The following RHBDL3 variants were observed in gnomAD, a reference collection of about 807,000 sequenced individuals.
RHBDL3 encodes rhomboid-related protein 3.
RHBDL3 carries 28 observed loss-of-function variants against 48.2 expected under a neutral mutation model. That is an observed-to-expected ratio of 0.58 (90% confidence interval 0.43 to 0.80). The LOEUF is 0.80. RHBDL3 is among the 30% of genes least tolerant of loss of function. The pLI is 0.00. For synonymous variants in RHBDL3, 208 were observed against 232.3 expected (o/e 0.90, Z 0.95); for missense variants, 464 against 542.7 (o/e 0.85, Z 1.44).
At chr17:32,303,130 G>A (rs1206706831) in intron 6 of RHBDL3, among the ~76,000 whole-genome samples, 1 of 152,206 alleles carries the variant, frequency 6.6e-6, no homozygotes, top group Non-Finnish European at 1.5e-5. Context: ...CCATGGATAG[G>A]GTGAGGGAAA....
chr17:32,281,644 C>A (rs570393939), intron 2 of RHBDL3, among the ~76,000 whole-genome samples: 1 of 152,296 alleles, frequency 6.6e-6, no homozygotes, highest in South Asian at 2.1e-4. Context: ...GGAGGGGTCC[C>A]AGGCACCAAA....
intron 4 of RHBDL3, among the ~76,000 whole-genome samples, chr17:32,292,112 T>A (rs2040344963): frequency 6.6e-6 from 1 of 151,828 alleles, no homozygotes; most frequent in Non-Finnish European, 1.5e-5. Flanking sequence ...ATGCCCTGAT[T>A]AAGAACACAG....
intron 6 of RHBDL3, among the ~76,000 whole-genome samples, chr17:32,301,082 G>A (rs112688427): frequency 0.028 from 4,312 of 151,968 alleles, 81 homozygotes; most frequent in Non-Finnish European, 0.038. Flanking sequence ...GGGTTTCACC[G>A]TCTTGGCCAG....
chr17:32,267,441 G>A (rs927509882), intron 1 of RHBDL3, among the ~76,000 whole-genome samples: 2 of 151,610 alleles, frequency 1.3e-5, no homozygotes, highest in East Asian at 1.9e-4. Context: ...GGGGGGGGAG[G>A]GGGGGGCTCT....
At chr17:32,271,513 A>G (rs909002603) in intron 2 of RHBDL3, among the ~76,000 whole-genome samples, 2 of 152,164 alleles carry the variant, frequency 1.3e-5, no homozygotes, top group Non-Finnish European at 2.9e-5. Context: ...GCTTTGATTC[A>G]AGGTCAAATA....
intron 2 of RHBDL3, among the ~76,000 whole-genome samples, chr17:32,276,598 T>C (rs1291062358): frequency 6.6e-6 from 1 of 152,058 alleles, no homozygotes; most frequent in Non-Finnish European, 1.5e-5. Flanking sequence ...TGAGCCATGG[T>C]AACCTTCACC....
Position 32,324,059 on chromosome 17 carries a change from G to A in RHBDL3, c.*2830G>A, listed in dbSNP as rs1433980893. ...GGGTGGTGTGTAAATCTTCAGGCTG[G>A]TGGAGGTAGGTTGGCCTTTTATCCA... On this transcript the variant is annotated 3_prime_UTR_variant, in exon 9 of 9. Coordinates refer to ENST00000269051, the MANE Select transcript of RHBDL3 (RefSeq NM_138328.3). The A allele has an allele frequency of 6.6e-6, 1 of 152,436 alleles. No individual in the cohort carries two copies. The highest frequency in any genetic ancestry group is 1.5e-5 in the Non-Finnish European group (1 of 68,194). 9.4% of individuals were successfully genotyped at this position (152,436 alleles called of 1,614,324 possible).
chr17:32,312,754 G>A (rs2040874965), intron 7 of RHBDL3, among the ~76,000 whole-genome samples: 1 of 152,082 alleles, frequency 6.6e-6, no homozygotes, highest in South Asian at 2.1e-4. Flanking sequence ...CTGGCCTCAA[G>A]TGATCCGCCT....
intron 2 of RHBDL3, among the ~76,000 whole-genome samples, chr17:32,272,310 C>G (rs2039790702): frequency 6.6e-6 from 1 of 152,228 alleles, no homozygotes; most frequent in Admixed American, 6.5e-5. Context: ...AGTTCCCTGC[C>G]CTCCAGCCTG....
chr17:32,278,569 T>C (rs2039967954), intron 2 of RHBDL3, among the ~76,000 whole-genome samples: 1 of 152,114 alleles, frequency 6.6e-6, no homozygotes, highest in Admixed American at 6.5e-5. Flanking sequence ...TGGATGAGGG[T>C]CTCTCAAACT....
At chr17:32,269,331 G>A (rs2039712920) in intron 2 of RHBDL3, among the ~76,000 whole-genome samples, 1 of 152,230 alleles carries the variant, frequency 6.6e-6, no homozygotes, top group Non-Finnish European at 1.5e-5. Context: ...CTGAGTGACA[G>A]AGTGGGACCC....
In RHBDL3 at chr17:32,323,683, G is replaced by A. The variant is rs1383352059; in HGVS notation, c.*2454G>A. ...AAGCTTGTTACTGAGAAGGACAGTG[G>A]AGGCGGAATCGTGTCTCCCACCATG... is the stretch of plus-strand genomic sequence containing the variant. On this transcript the variant is annotated 3_prime_UTR_variant, in exon 9 of 9. Coordinates refer to ENST00000269051, the MANE Select transcript of RHBDL3 (RefSeq NM_138328.3). 1.3e-5 allele frequency: 2 copies of A among 152,198 alleles called. No individual in the cohort carries two copies. Among genetic ancestry groups the A allele is most frequent in the Admixed American group, 6.5e-5 (1 of 15,276 alleles). 9.4% of individuals were successfully genotyped at this position (152,198 alleles called of 1,614,324 possible).
chr17:32,266,939 A>T (rs1374366158), intron 1 of RHBDL3, among the ~76,000 whole-genome samples: 1 of 151,588 alleles, frequency 6.6e-6, no homozygotes, highest in African/African-American at 2.4e-5. Flanking sequence ...GAGGAGAGGG[A>T]GGGGCTGCCC....
chr17:32,306,846 G>C (rs2040722545), intron 7 of RHBDL3, among the ~76,000 whole-genome samples: 1 of 152,026 alleles, frequency 6.6e-6, no homozygotes, highest in Admixed American at 6.6e-5. Context: ...AGTTGAGCCT[G>C]GGAAGCAGAG....
intron 5 of RHBDL3, among the ~76,000 whole-genome samples, chr17:32,297,734 A>G (rs1047249571): frequency 1.5e-5 from 2 of 135,396 alleles, no homozygotes; most frequent in African/African-American, 5.5e-5. Flanking sequence ...TCCTGGGTTC[A>G]AGTGGTCCTC....
chr17:32,279,253 T>C (rs1597621682), intron 2 of RHBDL3, among the ~76,000 whole-genome samples: 2 of 152,286 alleles, frequency 1.3e-5, no homozygotes, highest in Middle Eastern at 3.4e-3. Context: ...CATAGCAAAC[T>C]TTCCACACAT....
intron 3 of RHBDL3, among the ~76,000 whole-genome samples, chr17:32,286,245 C>G (rs1032711341): frequency 6.6e-6 from 1 of 152,214 alleles, no homozygotes; most frequent in African/African-American, 2.4e-5. Flanking sequence ...ACGTGGGGCC[C>G]AGGAGTGGCT....
intron 3 of RHBDL3, 112 bp downstream of exon 3, chr17:32,284,929 A>G: frequency 1.0e-6 from 1 of 974,676 alleles, no homozygotes; most frequent in Non-Finnish European, 1.6e-6. Flanking sequence ...CAGCATTGAA[A>G]AAGTCCAGGC....
intron 8 of RHBDL3, among the ~76,000 whole-genome samples, chr17:32,319,413 T>C (rs1409756804): frequency 3.8e-4 from 45 of 117,498 alleles, no homozygotes; most frequent in African/African-American, 1.4e-3. Context: ...TAGAGCGAGA[T>C]TCCGTCTCAA....
Sources: gnomAD v4.1 joint callset for allele counts (sites outside exome capture counted in the v4.1 genomes callset) on GRCh38, gnomAD v4.1.1 for gene constraint, MANE v1.5 for transcripts, NCBI Gene and HGNC (gene_info 2026-07-23, HGNC 2026-07-21) for gene names.